The following EIF4G3 variants were observed in gnomAD, a reference collection of about 807,000 sequenced individuals.
EIF4G3 encodes eukaryotic translation initiation factor 4 gamma 3.
In EIF4G3, 34 loss-of-function variants were observed where a neutral mutation model predicts 186.4. That is an observed-to-expected ratio of 0.18 (90% CI 0.14 to 0.24). The LOEUF is 0.24. EIF4G3 is among the 10% of genes least tolerant of loss of function. The probability of loss-of-function intolerance (pLI) is 1.00; values close to 1 mark genes in which losing one functional copy is unlikely to be tolerated. For synonymous variants in EIF4G3, 673 were observed against 679.5 expected, an observed-to-expected ratio of 0.99 and a Z score of 0.15; for missense variants, 1,536 against 1,948.5, an observed-to-expected ratio of 0.79 and a Z score of 3.99.
chr1:20,875,395 T>A (rs1033913778), intron 20 of EIF4G3, among the ~76,000 whole-genome samples: 38 of 152,366 alleles, frequency 2.5e-4, no homozygotes, highest in African/African-American at 8.9e-4. Context: ...TCTGTAAGCA[T>A]GTTGCATTGG....
chr1:21,008,292 C>T (rs930351033), intron 4 of EIF4G3, among the ~76,000 whole-genome samples: 7 of 151,910 alleles, frequency 4.6e-5, no homozygotes, highest in African/African-American at 1.7e-4. Context: ...GGGCTATGTG[C>T]GTAAATAAGG....
In EIF4G3 at chr1:20,827,476, A is replaced by C. The variant is rs540507575; in HGVS notation, c.4269+141T>G. 7.6e-6 allele frequency: 3 copies of C among 394,156 alleles called. No homozygotes were observed. In the South Asian group the frequency reaches 2.6e-4, roughly 34 times the overall value. The allele number at this position is 394,156 out of a possible 1,614,324, so 24.4% of individuals were successfully genotyped here. A position where few individuals can be genotyped will look rare whatever the true frequency, so the allele number is the denominator to read the frequency against. ...GCAAACAGAAGGACAAATGCACCTC[A>C]GAAAGAAACTGGGTTGAAGCAGAGA... On this transcript the variant is annotated intron_variant, in intron 32 of 36. Coordinates refer to ENST00000602326, the MANE Select transcript of EIF4G3 (RefSeq NM_001391906.1).
At chr1:20,983,087 A>G (rs1208773453) in intron 7 of EIF4G3, among the ~76,000 whole-genome samples, 2 of 152,138 alleles carry the variant, frequency 1.3e-5, no homozygotes, top group Non-Finnish European at 2.9e-5. Context: ...TAGGCATCAA[A>G]CCACCCACAG....
chr1:21,008,422 C>T (rs2085959935), intron 4 of EIF4G3, among the ~76,000 whole-genome samples: 2 of 152,050 alleles, frequency 1.3e-5, no homozygotes, highest in African/African-American at 2.4e-5. Flanking sequence ...CTGCAACCTC[C>T]CCCTCCTGGG....
intron 7 of EIF4G3, among the ~76,000 whole-genome samples, chr1:20,991,467 C>T (rs2081087547): frequency 6.6e-6 from 1 of 151,620 alleles, no homozygotes; most frequent in Non-Finnish European, 1.5e-5. Flanking sequence ...ACTCAGGAGG[C>T]GGAGGCACAA....
chr1:21,017,398 G>A (rs915717523), intron 4 of EIF4G3, among the ~76,000 whole-genome samples: 1 of 152,080 alleles, frequency 6.6e-6, no homozygotes, highest in African/African-American at 2.4e-5. Flanking sequence ...GGAGGCCGAG[G>A]TGGGTGGATC....
At chr1:20,963,142 T>G (rs1031985513) in intron 12 of EIF4G3, among the ~76,000 whole-genome samples, 21 of 152,126 alleles carry the variant, frequency 1.4e-4, no homozygotes, top group African/African-American at 5.1e-4. Flanking sequence ...TTTGATAAAT[T>G]TTAACTTTTA....
intron 14 of EIF4G3, among the ~76,000 whole-genome samples, chr1:20,914,344 C>T (rs1372017520): frequency 6.6e-6 from 1 of 151,918 alleles, no homozygotes; most frequent in East Asian, 1.9e-4. Context: ...CCAATGTAAT[C>T]GAAAGGCTCA....
At chr1:20,898,183 A>C (rs2089009028) in intron 16 of EIF4G3, among the ~76,000 whole-genome samples, 1 of 152,128 alleles carries the variant, frequency 6.6e-6, no homozygotes, top group Non-Finnish European at 1.5e-5. Context: ...GCCCATTAAC[A>C]GGATTTTACT....
At chr1:20,824,886 G>A (rs1376160151) in intron 33 of EIF4G3, among the ~76,000 whole-genome samples, 1 of 152,018 alleles carries the variant, frequency 6.6e-6, no homozygotes, top group Non-Finnish European at 1.5e-5. Flanking sequence ...TCTATAGGTT[G>A]CTAAGTCTTT....
At chr1:21,042,553 T>C (rs1308334273) in intron 4 of EIF4G3, among the ~76,000 whole-genome samples, 4 of 152,188 alleles carry the variant, frequency 2.6e-5, no homozygotes, top group African/African-American at 9.6e-5. Flanking sequence ...AATTTTTTCA[T>C]TTGATCCCTT....
intron 18 of EIF4G3, among the ~76,000 whole-genome samples, chr1:20,889,484 T>A (rs1473428469): frequency 6.6e-6 from 1 of 152,190 alleles, no homozygotes; most frequent in Non-Finnish European, 1.5e-5. Context: ...ACACAACTGA[T>A]AAGTAATTTT....
intron 2 of EIF4G3, among the ~76,000 whole-genome samples, chr1:21,149,071 G>A (rs1247678148): frequency 1.3e-5 from 2 of 150,548 alleles, no homozygotes; most frequent in African/African-American, 2.4e-5. Flanking sequence ...ACTCCAGCCT[G>A]AGCAACAGAG....
chr1:21,113,346 A>G lies in EIF4G3; in HGVS notation c.-271-24133T>C, dbSNP rs146923650. 1.8e-3 allele frequency among the ~76,000 whole-genome samples: 267 copies of G among 152,128 alleles called. 1 individual carries two copies. Among genetic ancestry groups the G allele is most frequent in the African/African-American group, 6.0e-3 (249 of 41,488 alleles). Reference sequence around the variant, plus strand: ...TAAATTCTATCAAATGGATTCAGACAGAAGAATGAATTCTTACATGTGCTT... The same window carrying G: ...TAAATTCTATCAAATGGATTCAGACGGAAGAATGAATTCTTACATGTGCTT... On this transcript the variant is annotated intron_variant, in intron 2 of 36. Coordinates refer to ENST00000602326, the MANE Select transcript of EIF4G3 (RefSeq NM_001391906.1).
At chr1:20,997,747 G>T in intron 6 of EIF4G3, 114 bp from the exon 7 acceptor site, 1 of 778,262 alleles carries the variant, frequency 1.3e-6, no homozygotes, top group Non-Finnish European at 2.0e-6. Flanking sequence ...CCACAGTGGG[G>T]AAATAAAAAA....
chr1:21,135,046 T>C lies in EIF4G3; in HGVS notation c.-272+41129A>G, dbSNP rs2097214624. 2.6e-5 allele frequency among the ~76,000 whole-genome samples: 4 copies of C among 152,202 alleles called. 1 individual carries two copies. The South Asian group carries it at 6.2e-4, about 24-fold the overall frequency. The stretch of plus-strand genomic sequence containing the variant: ...ATCATCATGTTACTATTATAGATTC[T>C]AAGAAAAGAAATACGTCCCACCACA... On this transcript the variant is annotated intron_variant, in intron 2 of 36. Transcript: ENST00000602326.
intron 20 of EIF4G3, among the ~76,000 whole-genome samples, chr1:20,876,612 A>T (rs1430548718): frequency 6.6e-6 from 1 of 152,148 alleles, no homozygotes; most frequent in African/African-American, 2.4e-5. Flanking sequence ...TAGGGAAGGA[A>T]GATTAACTGG....
chr1:21,053,470 C>G (rs2094386458), intron 3 of EIF4G3, among the ~76,000 whole-genome samples: 1 of 146,640 alleles, frequency 6.8e-6, no homozygotes. Context: ...GTGAGGGGCG[C>G]CTCTGCCCGG....
chr1:20,824,167 AT>A (rs1386393356), intron 33 of EIF4G3, among the ~76,000 whole-genome samples: 1 of 152,210 alleles, frequency 6.6e-6, no homozygotes, highest in Non-Finnish European at 1.5e-5. Context: ...TTTGAAGGAA[AT>A]TACTTCCACC....
Sources: gnomAD v4.1 joint callset for allele counts (sites outside exome capture counted in the v4.1 genomes callset) on GRCh38, gnomAD v4.1.1 for gene constraint, MANE v1.5 for transcripts, NCBI Gene and HGNC (gene_info 2026-07-23, HGNC 2026-07-21) for gene names.